The following LIN28B variants were observed in gnomAD, a reference collection of about 807,000 sequenced individuals.
LIN28B encodes protein lin-28 homolog B.
In LIN28B, 5 loss-of-function variants were observed where a neutral mutation model predicts 21.9. That is an observed-to-expected ratio of 0.23 (90% CI 0.12 to 0.48). The LOEUF (loss-of-function observed/expected upper bound fraction) is 0.48. LIN28B is among the 20% of genes least tolerant of loss of function. The pLI is 0.98. For missense variants in LIN28B, 245 were observed against 310.5 expected (o/e 0.79, Z 1.58); for synonymous variants, 109 against 111.3 (o/e 0.98, Z 0.13).
exon 3 of LIN28B, chr6:104,950,480 G>A (rs897838368): frequency 3.3e-6 from 4 of 1,229,082 alleles, no homozygotes; most frequent in Non-Finnish European, 4.1e-6. Context: ...AAGAGGATGA[G>A]GTCATTCAAC....
At chr6:105,074,105 T>C (rs1042945515) in intron 3 of LIN28B, among the ~76,000 whole-genome samples, 2 of 152,360 alleles carry the variant, frequency 1.3e-5, no homozygotes, top group Admixed American at 1.3e-4. Flanking sequence ...CAGAATATAA[T>C]TAAATAGTTC....
intron 2 of LIN28B, among the ~76,000 whole-genome samples, chr6:104,974,353 G>A (rs1770042040): frequency 6.6e-6 from 1 of 151,910 alleles, no homozygotes; most frequent in Non-Finnish European, 1.5e-5. Context: ...GCTGGGTGTG[G>A]TGGCATGTGC....
intron 3 of LIN28B, among the ~76,000 whole-genome samples, chr6:105,048,333 A>G (rs1771815477): frequency 6.6e-6 from 1 of 152,102 alleles, no homozygotes; most frequent in South Asian, 2.1e-4. Flanking sequence ...ATTGATTTGC[A>G]TATGTTGAAC....
intron 3 of LIN28B, among the ~76,000 whole-genome samples, chr6:105,048,885 C>T (rs372442690): frequency 4.6e-5 from 7 of 151,984 alleles, no homozygotes; most frequent in East Asian, 3.8e-4. Context: ...TTTTTTATTG[C>T]GTCTATTTGA....
At chr6:105,027,151 AGTT>A (rs1301838193) in intron 3 of LIN28B, among the ~76,000 whole-genome samples, 1 of 152,156 alleles carries the variant, frequency 6.6e-6, no homozygotes, top group Non-Finnish European at 1.5e-5. Flanking sequence ...ATTTTTGAAA[AGTT>A]GTCTGATTAT....
At position 105,026,279 on chromosome 6, in the gene LIN28B, C is replaced by G; in HGVS notation, c.199-19C>G. On this transcript the variant is annotated intron_variant, in intron 2 of 3. Coordinates refer to ENST00000345080, the MANE Select transcript of LIN28B (RefSeq NM_001004317.4). ...TTTAATCTCTCTTTTTCTCCCCCAC[C>G]CTCTTCTGCTCTTTACAGAGCAAAC... The G allele has an allele frequency of 6.9e-7, 1 of 1,443,046 alleles. No homozygotes were observed. The highest frequency in any genetic ancestry group is 9.4e-7 in the Non-Finnish European group (1 of 1,069,394). The allele number at this position is 1,443,046 out of a possible 1,614,324, so 89.4% of individuals were successfully genotyped here.
chr6:104,999,313 G>GT (rs1392799848), intron 2 of LIN28B, among the ~76,000 whole-genome samples: 1 of 151,982 alleles, frequency 6.6e-6, no homozygotes, highest in Non-Finnish European at 1.5e-5. Flanking sequence ...CTGATTTTGT[G>GT]TTTTTTGTAG....
intron 3 of LIN28B, among the ~76,000 whole-genome samples, chr6:105,070,567 C>A (rs1369751505): frequency 2.3e-5 from 3 of 129,518 alleles, no homozygotes; most frequent in Non-Finnish European, 4.8e-5. Flanking sequence ...GGCAACATGG[C>A]AAAACTCTAT....
chr6:105,078,665 C>CAG lies in LIN28B; in HGVS notation c.639_640dup (p.Ile214ArgfsTer20). On this transcript the variant is annotated frameshift_variant, in exon 4 of 4. Coordinates refer to ENST00000345080, the MANE Select transcript of LIN28B (RefSeq NM_001004317.4). LOFTEE classifies it high-confidence loss of function. ...CCACCGTTTCCTCAGGAGGCTAGGG[C>CAG]AGAGATCTCAGAACGGTCAGGCAGG... 1 of 1,614,124 alleles carries CAG rather than the reference C, an allele frequency of 6.2e-7. No individual in the cohort carries two copies. Among genetic ancestry groups the CAG allele is most frequent in the Non-Finnish European group, 8.5e-7 (1 of 1,180,022 alleles).
chr6:104,977,355 A>T (rs9500005), intron 2 of LIN28B, among the ~76,000 whole-genome samples: 3,408 of 152,268 alleles, frequency 0.022, 149 homozygotes, highest in African/African-American at 0.079. Context: ...CCCCAAAGTC[A>T]GAACCTTCTT....
chr6:105,068,725 G>T (rs1235855223), intron 3 of LIN28B, among the ~76,000 whole-genome samples: 2 of 152,136 alleles, frequency 1.3e-5, no homozygotes, highest in African/African-American at 4.8e-5. Flanking sequence ...GATTAAATAG[G>T]TTTAAATACT....
chr6:104,982,139 C>G (rs1034429487), intron 2 of LIN28B, among the ~76,000 whole-genome samples: 2 of 151,916 alleles, frequency 1.3e-5, no homozygotes, highest in African/African-American at 4.8e-5. Flanking sequence ...ACGGTGAAAC[C>G]CTGTCTCTAC....
At chr6:105,060,835 G>A (rs1772111104) in intron 3 of LIN28B, among the ~76,000 whole-genome samples, 1 of 152,180 alleles carries the variant, frequency 6.6e-6, no homozygotes, top group African/African-American at 2.4e-5. Flanking sequence ...GAGATGAGTT[G>A]AGTTTGAGAT....
intron 3 of LIN28B, among the ~76,000 whole-genome samples, chr6:105,046,444 C>CT (rs1771765389): frequency 6.6e-6 from 1 of 152,172 alleles, no homozygotes; most frequent in Admixed American, 6.5e-5. Flanking sequence ...GGTTCCAAGT[C>CT]TTTGCTATTG....
intron 3 of LIN28B, among the ~76,000 whole-genome samples, chr6:105,065,851 T>TA (rs1772209680): frequency 6.6e-6 from 1 of 152,220 alleles, no homozygotes; most frequent in Non-Finnish European, 1.5e-5. Flanking sequence ...TAATGTTTCT[T>TA]ACTAATTCAA....
intron 3 of LIN28B, among the ~76,000 whole-genome samples, chr6:105,065,291 A>T (rs186777101): frequency 2.0e-5 from 3 of 152,348 alleles, no homozygotes; most frequent in East Asian, 3.9e-4. Context: ...AGTAGCCATG[A>T]GGCCAAGAAC....
At chr6:105,000,906 C>T (rs1007411325) in intron 2 of LIN28B, among the ~76,000 whole-genome samples, 2 of 152,164 alleles carry the variant, frequency 1.3e-5, no homozygotes, top group African/African-American at 4.8e-5. Context: ...TTCCGAGTTT[C>T]ACCTCGTTGA....
intron 2 of LIN28B, among the ~76,000 whole-genome samples, chr6:104,984,112 T>G (rs909918995): frequency 3.9e-5 from 6 of 152,338 alleles, no homozygotes; most frequent in South Asian, 4.1e-4. Context: ...ACCACACCTT[T>G]TATTCTACAA....
At chr6:104,951,029 CAT>C (rs1464709572) in intron 3 of LIN28B, among the ~76,000 whole-genome samples, 4 of 152,074 alleles carry the variant, frequency 2.6e-5, no homozygotes, top group Non-Finnish European at 5.9e-5. Flanking sequence ...TTTTCATAAA[CAT>C]ATATCAGAAT....
Sources: gnomAD v4.1 joint callset for allele counts (sites outside exome capture counted in the v4.1 genomes callset) on GRCh38, gnomAD v4.1.1 for gene constraint, MANE v1.5 for transcripts, NCBI Gene and HGNC (gene_info 2026-07-23, HGNC 2026-07-21) for gene names.